Variants in DNMT3A observed in about 807,000 individuals in gnomAD.
DNMT3A encodes the protein DNA (cytosine-5)-methyltransferase 3A.
DNMT3A carries 267 observed loss-of-function variants against 117.6 expected under a neutral mutation model. The ratio of observed to expected loss-of-function variants is 2.27; its 90% CI spans 2.05 to 2.51. The LOEUF (loss-of-function observed/expected upper bound fraction) is 2.51. Among genes scored for constraint, DNMT3A ranks in the 30% most tolerant of loss-of-function variants. The pLI is 0.00. For missense variants in DNMT3A, 1,029 were observed against 1,260.2 expected (o/e 0.82, Z 2.78); for synonymous variants, 432 against 474.8 (o/e 0.91, Z 1.17).
chr2:25,235,254 G>T (rs1242914106), intron 22 of DNMT3A, among the ~76,000 whole-genome samples: 1 of 151,424 alleles, frequency 6.6e-6, no homozygotes, highest in African/African-American at 2.4e-5. Context: ...GCGCAATCTC[G>T]GCTCACTGCA....
At chr2:25,312,284 T>C (rs1229117043) in intron 2 of DNMT3A, among the ~76,000 whole-genome samples, 3 of 152,232 alleles carry the variant, frequency 2.0e-5, no homozygotes, top group African/African-American at 7.2e-5. Context: ...GCTTGAGTCC[T>C]GAGCGGGGGC....
At chr2:25,240,907 C>T (rs1276580603) in intron 17 of DNMT3A, among the ~76,000 whole-genome samples, 177 bp from the exon 18 acceptor site, 2 of 152,328 alleles carry the variant, frequency 1.3e-5, no homozygotes, top group African/African-American at 2.4e-5. Context: ...TAAACAAGAA[C>T]GGGACCAAGT....
intron 3 of DNMT3A, among the ~76,000 whole-genome samples, chr2:25,284,645 T>TGAAAAAAAAA (rs1287436463): frequency 1.8e-4 from 3 of 16,632 alleles, no homozygotes; most frequent in Non-Finnish European, 2.9e-4. Context: ...AGACTCCATC[T>TGAAAAAAAAA]AAAAAAAAAA....
intron 6 of DNMT3A, among the ~76,000 whole-genome samples, chr2:25,267,918 A>G (rs868589141): frequency 3.3e-5 from 5 of 152,228 alleles, no homozygotes; most frequent in African/African-American, 1.2e-4. Context: ...AGCCAAGTCC[A>G]TCCACAGAGG....
chr2:25,334,252 G>A (rs929834849), intron 1 of DNMT3A, among the ~76,000 whole-genome samples: 4 of 152,142 alleles, frequency 2.6e-5, no homozygotes, highest in African/African-American at 4.8e-5. Context: ...GTAGCAAGAC[G>A]ACTGCAGACA....
In DNMT3A at chr2:25,257,241, A is replaced by C. The variant is rs1676227498; in HGVS notation, c.640-8989T>G. ...CAGAGAGAGCAACTAAGCAGGGGGA[A>C]GGTGTCAGATGTGCACCCGGAGAGC... On this transcript the variant is annotated intron_variant, in intron 6 of 22. Coordinates refer to ENST00000321117, the MANE Select transcript of DNMT3A (RefSeq NM_022552.5). The surrounding 1 kb of genome is among the most constrained non-coding windows in gnomAD (Gnocchi z 4.8). Among the ~76,000 whole-genome samples the C allele has an allele frequency of 6.6e-6, 1 of 152,218 alleles. No individual in the cohort carries two copies. The highest frequency in any genetic ancestry group is 2.1e-4 in the South Asian group (1 of 4,834).
chr2:25,324,738 G>C (rs1445641322), intron 1 of DNMT3A, among the ~76,000 whole-genome samples: 1 of 152,190 alleles, frequency 6.6e-6, no homozygotes, highest in Non-Finnish European at 1.5e-5. Context: ...TTGGTCATAA[G>C]ACTGGGGATG....
At position 25,282,346 on chromosome 2, in the gene DNMT3A, C is replaced by T. The variant is rs752187461; in HGVS notation, c.448+95G>A. 1 of 1,533,266 alleles carries T rather than the reference C, an allele frequency of 6.5e-7. No individual in the cohort carries two copies. Among genetic ancestry groups the T allele is most frequent in the Non-Finnish European group, 8.8e-7 (1 of 1,135,376 alleles). The allele number at this position is 1,533,266 out of a possible 1,614,324, so 95.0% of individuals were successfully genotyped here. On this transcript the variant is annotated intron_variant, in intron 4 of 22. Transcript: ENST00000321117. The surrounding 1 kb of genome is among the most constrained non-coding windows in gnomAD (Gnocchi z 5.2). ...AGCAGACCTTTAGCCACGACCCAGA[C>T]CATCCTTCCTGGGACCTGCTGGAGA...
intron 6 of DNMT3A, among the ~76,000 whole-genome samples, chr2:25,264,135 T>TTTTTTTTTTTTG: frequency 8.1e-6 from 1 of 122,768 alleles, no homozygotes; most frequent in East Asian, 2.4e-4. Context: ...CCCTTTGGTT[T>TTTTTTTTTTTTG]TTTTTTTTTT....
intron 1 of DNMT3A, among the ~76,000 whole-genome samples, chr2:25,332,648 G>A (rs1261225312): frequency 6.6e-5 from 10 of 152,236 alleles, no homozygotes; most frequent in Non-Finnish European, 1.3e-4. Flanking sequence ...CCGTGCCCTG[G>A]CTCCCTCTGA....
intron 1 of DNMT3A, among the ~76,000 whole-genome samples, chr2:25,320,983 T>A (rs1483039625): frequency 2.6e-5 from 4 of 152,006 alleles, no homozygotes; most frequent in Non-Finnish European, 4.4e-5. Context: ...AATACAAAAA[T>A]TAGCCAGGCA....
At chr2:25,307,338 CT>C (rs917834219) in intron 2 of DNMT3A, among the ~76,000 whole-genome samples, 22 of 149,160 alleles carry the variant, frequency 1.5e-4, no homozygotes, top group East Asian at 5.9e-4. Context: ...TATTCTTTTT[CT>C]TTTTTTTTTC....
chr2:25,237,049 C>T lies in DNMT3A; in HGVS notation c.2409-44G>A. The stretch of plus-strand genomic sequence containing the variant: ...ACTGTAACAACAGAAACCTGGATAA[C>T]AGCGGGAAGGGCCCCAGCTGCACGA... On this transcript the variant is annotated intron_variant, in intron 20 of 22. Coordinates refer to ENST00000321117, the MANE Select transcript of DNMT3A (RefSeq NM_022552.5). The surrounding 1 kb of genome is among the most constrained non-coding windows in gnomAD (Gnocchi z 5.4). 1 of 1,603,846 alleles carries T rather than the reference C, an allele frequency of 6.2e-7. No homozygotes were observed. Among genetic ancestry groups the T allele is most frequent in the South Asian group, 1.1e-5 (1 of 89,732 alleles).
intron 1 of DNMT3A, among the ~76,000 whole-genome samples, chr2:25,315,025 C>T (rs1241166406): frequency 1.3e-5 from 2 of 152,206 alleles, no homozygotes; most frequent in African/African-American, 4.8e-5. Flanking sequence ...CTGCTCCCCA[C>T]CCCCGGAGGA....
intron 12 of DNMT3A, 51 bp from the exon 13 acceptor site, chr2:25,245,383 CT>C: frequency 6.5e-7 from 1 of 1,548,790 alleles, no homozygotes; most frequent in Non-Finnish European, 8.9e-7. Context: ...GGGCCTCTCC[CT>C]CCCCGGGCCG....
At chr2:25,321,004 T>C (rs920645418) in intron 1 of DNMT3A, among the ~76,000 whole-genome samples, 1 of 152,084 alleles carries the variant, frequency 6.6e-6, no homozygotes, top group African/African-American at 2.4e-5. Flanking sequence ...TGATGGTGCA[T>C]TCCTGTAATC....
intron 1 of DNMT3A, among the ~76,000 whole-genome samples, chr2:25,330,423 C>T (rs930484927): frequency 7.9e-5 from 12 of 152,310 alleles, no homozygotes; most frequent in Admixed American, 1.3e-4. Flanking sequence ...ACAAGAGCCC[C>T]GCTGCGAAGC....
At chr2:25,239,537 AG>A in intron 19 of DNMT3A, 1 of 560,600 alleles carries the variant, frequency 1.8e-6, no homozygotes, top group Non-Finnish European at 3.5e-6. Context: ...AATGTGATTG[AG>A]GAGCTGAATG....
At chr2:25,245,412 AGCC>A (rs1266812512) in intron 12 of DNMT3A, 80 bp from the exon 13 acceptor site, 2 of 1,355,438 alleles carry the variant, frequency 1.5e-6, no homozygotes, top group Non-Finnish European at 2.1e-6. Flanking sequence ...GCACCAGACC[AGCC>A]ACAAAAAAGG....
Sources: allele counts gnomAD v4.1 joint callset (sites outside exome capture counted in the v4.1 genomes callset), GRCh38; gene constraint gnomAD v4.1.1; non-coding constraint Gnocchi (gnomAD v3.1); transcripts MANE v1.5; gene names NCBI Gene and HGNC (gene_info 2026-07-23, HGNC 2026-07-21).